Variants in CYREN observed in about 807,000 individuals in gnomAD.
CYREN encodes the protein cell cycle regulator of NHEJ.
A neutral mutation model predicts 9.7 loss-of-function variants in CYREN; 7 were observed. The ratio of observed to expected loss-of-function variants is 0.72; its 90% confidence interval spans 0.41 to 1.36. The LOEUF is 1.36. Ranked by LOEUF, CYREN falls within the 40% of genes most tolerant of loss-of-function variation. The pLI, the probability that CYREN is intolerant of heterozygous loss-of-function variation, is 0.01. For missense variants in CYREN, 215 were observed against 198.1 expected (o/e 1.09, Z -0.51); for synonymous variants, 76 against 77.9 (o/e 0.98, Z 0.13).
intron 2 of CYREN, among the ~76,000 whole-genome samples, chr7:135,127,546 C>T (rs922272222): frequency 2.7e-4 from 14 of 51,984 alleles, no homozygotes; most frequent in Admixed American, 9.4e-4. Context: ...AGCAAGTCTC[C>T]GTCTAAAAAA....
downstream of CYREN, among the ~76,000 whole-genome samples, chr7:135,162,405 C>T (rs554840237): frequency 3.9e-5 from 6 of 152,298 alleles, no homozygotes; most frequent in African/African-American, 1.4e-4. Context: ...TAGTCACTTC[C>T]TGGTGAATGC....
intron 2 of CYREN, among the ~76,000 whole-genome samples, chr7:135,111,215 AGCAGT>A (rs761571839): frequency 1.9e-4 from 29 of 152,208 alleles, no homozygotes; most frequent in Non-Finnish European, 3.4e-4. Context: ...TAATTCATTC[AGCAGT>A]GCTCTAGATC....
At chr7:135,116,558 A>C (rs2348279) in intron 2 of CYREN, among the ~76,000 whole-genome samples, 6 of 151,952 alleles carry the variant, frequency 3.9e-5, no homozygotes, top group African/African-American at 7.3e-5. Context: ...TCCATTGAGT[A>C]TGGAAATCTC....
intron 2 of CYREN, among the ~76,000 whole-genome samples, chr7:135,156,855 G>C (rs1297475292): frequency 2.6e-5 from 4 of 152,148 alleles, no homozygotes; most frequent in Admixed American, 2.0e-4. Context: ...GGGGACGCCA[G>C]GGGAGGTAAC....
Position 135,107,352 on chromosome 7 carries a change from G to A in CYREN, n.357-12770C>T, listed in dbSNP as rs547838094. Among the ~76,000 whole-genome samples, 11 of 152,176 alleles carry A rather than the reference G, an allele frequency of 7.2e-5. No homozygotes were observed. In the East Asian group the frequency reaches 2.1e-3, roughly 29 times the overall value. ...CCTAACTTTCTGATATGGGCATTTA[G>A]TGATATAAATTTCTCTCTTAACACT... is the stretch of plus-strand genomic sequence containing the variant. On this transcript the variant is annotated intron_variant and non_coding_transcript_variant, in intron 2 of 2. Transcript: ENST00000459937.
intron 2 of CYREN, among the ~76,000 whole-genome samples, chr7:135,106,810 C>A (rs776688799): frequency 3.3e-5 from 5 of 152,118 alleles, no homozygotes; most frequent in Non-Finnish European, 4.4e-5. Context: ...CTTTGTACAT[C>A]TGATTGAATT....
At chr7:135,164,617 C>A (rs1482564318), downstream of CYREN, 8 of 1,614,082 alleles carry the variant, frequency 5.0e-6, no homozygotes, top group Non-Finnish European at 6.8e-6. Flanking sequence ...AATGAGGACA[C>A]CAGCACCCTA....
At chr7:135,171,595 G>A (rs991132210), upstream of CYREN, among the ~76,000 whole-genome samples, 3 of 152,226 alleles carry the variant, frequency 2.0e-5, no homozygotes, top group Non-Finnish European at 4.4e-5. Flanking sequence ...AAATTTTAGT[G>A]TTGTGAGCTC....
chr7:135,097,083 C>G (rs11768126), intron 2 of CYREN, among the ~76,000 whole-genome samples: 72,616 of 150,642 alleles, frequency 0.48, 17,808 homozygotes, highest in South Asian at 0.66. Flanking sequence ...GGCATACCAC[C>G]CAAATGAATG....
At chr7:135,127,360 T>G (rs764158108) in intron 2 of CYREN, among the ~76,000 whole-genome samples, 3 of 151,942 alleles carry the variant, frequency 2.0e-5, no homozygotes, top group Non-Finnish European at 4.4e-5. Context: ...ATCGAGACCA[T>G]CCTGGCCAAC....
chr7:135,164,291 T>C (rs1411816597), downstream of CYREN: 1 of 717,254 alleles, frequency 1.4e-6, no homozygotes, highest in Non-Finnish European at 2.3e-6. Context: ...TGGTCCTTGG[T>C]GGAGGGCAGG....
intron 2 of CYREN, chr7:135,134,958 G>A (rs967828793): frequency 2.6e-6 from 4 of 1,551,182 alleles, no homozygotes; most frequent in Non-Finnish European, 3.5e-6. Flanking sequence ...AATGGGTCCA[G>A]TCTAAGCCCC....
chr7:135,134,816 T>C lies in CYREN; in HGVS notation n.356+33933A>G, dbSNP rs1047109076. ...AAAGTAGGTCCATGATGGACAAAAA[T>C]TCACGTATTTCATTTCTTTTCTAGA... On this transcript the variant is annotated intron_variant and non_coding_transcript_variant, in intron 2 of 2. Coordinates refer to the CYREN transcript ENST00000459937. 13 of 1,541,688 alleles carry C rather than the reference T, an allele frequency of 8.4e-6. No homozygotes were observed. The African/African-American group carries it at 1.8e-4, about 21-fold the overall frequency.
At chr7:135,122,287 C>T (rs1827245850) in intron 2 of CYREN, among the ~76,000 whole-genome samples, 1 of 152,238 alleles carries the variant, frequency 6.6e-6, no homozygotes, top group Non-Finnish European at 1.5e-5. Context: ...CAGAGTGCCT[C>T]TTCAGGCCTG....
intron 2 of CYREN, among the ~76,000 whole-genome samples, chr7:135,132,403 A>C (rs890873880): frequency 2.0e-5 from 3 of 152,232 alleles, no homozygotes; most frequent in Non-Finnish European, 4.4e-5. Context: ...AGCAAGCTTA[A>C]GAAGAAAAAT....
At chr7:135,108,685 T>C (rs1375218600) in intron 2 of CYREN, among the ~76,000 whole-genome samples, 1 of 152,200 alleles carries the variant, frequency 6.6e-6, no homozygotes, top group Non-Finnish European at 1.5e-5. Flanking sequence ...GGAATGATCT[T>C]CTTGTATAGA....
intron 2 of CYREN, chr7:135,101,196 T>C (rs1164355641): frequency 6.6e-6 from 3 of 456,128 alleles, no homozygotes; most frequent in Middle Eastern, 3.2e-4. Context: ...GTATGGAAAC[T>C]GTTTCAAAGT....
chr7:135,169,024 G>A lies in CYREN; in HGVS notation c.-102C>T. On this transcript the variant is annotated 5_prime_UTR_variant, in exon 2 of 4. Transcript: ENST00000393114. ...TTCTCTCGTCACACCCGGAATTACAGGTCCATTTGTCCTCAGTGGGAGTTG... is the reference window on the plus strand; with the variant it reads ...TTCTCTCGTCACACCCGGAATTACAAGTCCATTTGTCCTCAGTGGGAGTTG... 1 of 1,151,346 alleles carries A rather than the reference G, an allele frequency of 8.7e-7. No homozygotes were observed. Among genetic ancestry groups the A allele is most frequent in the South Asian group, 1.6e-5 (1 of 61,860 alleles). The allele number at this position is 1,151,346 out of a possible 1,614,324, so 71.3% of individuals were successfully genotyped here.
chr7:135,148,245 TC>T (rs978210306), intron 2 of CYREN: 12 of 391,160 alleles, frequency 3.1e-5, no homozygotes, highest in African/African-American at 2.3e-4. Flanking sequence ...TCATGAGTGT[TC>T]CTGTGGTCTC....
Sources: allele counts gnomAD v4.1 joint callset (sites outside exome capture counted in the v4.1 genomes callset), GRCh38; gene constraint gnomAD v4.1.1; transcripts MANE v1.5; gene names NCBI Gene and HGNC (gene_info 2026-07-23, HGNC 2026-07-21).